SPEF2: variants seen among roughly 807,000 people sequenced by gnomAD.
SPEF2 encodes the protein sperm flagellar and cilia associated 2, also known as sperm flagella and cilia-associated protein 2.
SPEF2 carries 187 observed loss-of-function variants against 224.6 expected under a neutral mutation model. The ratio of observed to expected loss-of-function variants is 0.83; its 90% confidence interval spans 0.74 to 0.94. SPEF2 has a LOEUF of 0.94. SPEF2 is among the 40% of genes least tolerant of loss of function. The pLI is 0.00. For missense variants in SPEF2, 2,170 were observed against 2,135.6 expected (o/e 1.02, Z -0.32); for synonymous variants, 715 against 707.3 (o/e 1.01, Z -0.17).
intron 21 of SPEF2, among the ~76,000 whole-genome samples, chr5:35,729,796 A>T (rs1436294774): frequency 6.6e-6 from 1 of 152,130 alleles, no homozygotes; most frequent in East Asian, 1.9e-4. Flanking sequence ...TGTTCTCGTG[A>T]TAGTGAACAA....
At chr5:35,635,601 C>A (rs1426498472) in intron 2 of SPEF2, among the ~76,000 whole-genome samples, 2 of 152,146 alleles carry the variant, frequency 1.3e-5, no homozygotes, top group African/African-American at 4.8e-5. Context: ...GAAAACATAG[C>A]ATTCCTATGT....
rs562447232 is a variant in SPEF2, at chr5:35,719,589, G to A, written c.2914+6703G>A. Among the ~76,000 whole-genome samples, 111 of 151,820 alleles carry A rather than the reference G, an allele frequency of 7.3e-4. 1 individual carries two copies. In the Middle Eastern group the frequency reaches 0.024, roughly 33 times the overall value. Reference sequence around the variant, plus strand: ...TCTTCTCTTATGGTCCCAAGATAAAGTTGGAGCTCCTGAACCTGTTAGAAA... The same window carrying A: ...TCTTCTCTTATGGTCCCAAGATAAAATTGGAGCTCCTGAACCTGTTAGAAA... On this transcript the variant is annotated intron_variant, in intron 20 of 36. Coordinates refer to ENST00000356031, the MANE Select transcript of SPEF2 (RefSeq NM_024867.4).
intron 25 of SPEF2, among the ~76,000 whole-genome samples, chr5:35,762,252 T>C (rs1222731944): frequency 6.6e-6 from 1 of 152,142 alleles, no homozygotes; most frequent in Non-Finnish European, 1.5e-5. Flanking sequence ...TTCCAGTAAA[T>C]AAATTCTAAA....
chr5:35,794,798 T>C (rs1580762882), intron 32 of SPEF2, among the ~76,000 whole-genome samples: 1 of 151,914 alleles, frequency 6.6e-6, no homozygotes, highest in Non-Finnish European at 1.5e-5. Flanking sequence ...AAGGTGTGAG[T>C]TTCTTAGAGA....
chr5:35,784,037 A>G (rs558881046), intron 30 of SPEF2, among the ~76,000 whole-genome samples: 1 of 152,272 alleles, frequency 6.6e-6, no homozygotes, highest in African/African-American at 2.4e-5. Context: ...TTTTTCTTCA[A>G]AAGATGCAGC....
chr5:35,626,363 G>C (rs1744253825), intron 1 of SPEF2, among the ~76,000 whole-genome samples: 1 of 152,190 alleles, frequency 6.6e-6, no homozygotes, highest in Non-Finnish European at 1.5e-5. Context: ...AAACTGGTCT[G>C]TTTGTGGAAA....
At chr5:35,728,345 C>CTCT (rs1228881407) in intron 21 of SPEF2, among the ~76,000 whole-genome samples, 1 of 152,196 alleles carries the variant, frequency 6.6e-6, no homozygotes, top group African/African-American at 2.4e-5. Context: ...CTGAAAGCTC[C>CTCT]GCCTAGCTCA....
At chr5:35,801,251 C>T (rs1757379145) in intron 34 of SPEF2, among the ~76,000 whole-genome samples, 1 of 152,166 alleles carries the variant, frequency 6.6e-6, no homozygotes, top group Non-Finnish European at 1.5e-5. Context: ...TGTGGTGGCT[C>T]CCACCTGTAA....
At position 35,667,039 on chromosome 5, in the gene SPEF2, T is replaced by C. The variant is rs374230199; in HGVS notation, c.1168-33T>C. The C allele has an allele frequency of 1.5e-5, 23 of 1,558,500 alleles. No individual in the cohort carries two copies. In the African/African-American group the frequency reaches 1.8e-4, roughly 12 times the overall value. ...ACATTATTTTTATTTGATTCAATTA[T>C]AGTGACTTAAAAATATGTTTTTGCC... On this transcript the variant is annotated intron_variant, in intron 8 of 36. Coordinates refer to ENST00000356031, the MANE Select transcript of SPEF2 (RefSeq NM_024867.4).
At chr5:35,709,703 C>T (rs2084934829) in intron 19 of SPEF2, 1 of 985,338 alleles carries the variant, frequency 1.0e-6, no homozygotes, top group Non-Finnish European at 1.2e-6. Context: ...TAAGTTTGTT[C>T]TAGATCCTTA....
intron 24 of SPEF2, 96 bp downstream of exon 24, chr5:35,753,857 G>A (rs1750051986): frequency 2.7e-6 from 4 of 1,478,344 alleles, no homozygotes; most frequent in East Asian, 2.3e-5. Flanking sequence ...TGAGAGGTCT[G>A]TTCAGGGCTC....
In SPEF2 at chr5:35,653,540, C is replaced by G. The variant is rs146902390; in HGVS notation, c.792-1000C>G. Among the ~76,000 whole-genome samples, 653 of 152,238 alleles carry G rather than the reference C, an allele frequency of 4.3e-3. 6 individuals are homozygous for G. The highest frequency in any genetic ancestry group is 0.015 in the African/African-American group (619 of 41,518). On this transcript the variant is annotated intron_variant, in intron 6 of 36. Transcript: ENST00000356031. ...GTTGCGAGCTGTGCCTTCCCTGACA[C>G]TTGGGTTATCAATAGTCTGCCTATT... is the stretch of plus-strand genomic sequence containing the variant.
intron 3 of SPEF2, among the ~76,000 whole-genome samples, chr5:35,642,935 G>A (rs115643216): frequency 3.9e-3 from 597 of 152,062 alleles, no homozygotes; most frequent in Admixed American, 7.4e-3. Flanking sequence ...TATTGCATTC[G>A]GCCTCCTTCA....
chr5:35,763,825 G>A (rs114776524), intron 26 of SPEF2, 123 bp downstream of exon 26: 18 of 844,038 alleles, frequency 2.1e-5, no homozygotes, highest in Admixed American at 1.4e-4. Context: ...TTGTACCTTC[G>A]AAACATTTTT....
intron 10 of SPEF2, among the ~76,000 whole-genome samples, chr5:35,681,389 C>G (rs1408646968): frequency 6.6e-6 from 1 of 152,114 alleles, no homozygotes; most frequent in Non-Finnish European, 1.5e-5. Flanking sequence ...TACTTTGACT[C>G]TCTAACTCTC....
intron 10 of SPEF2, chr5:35,678,853 AC>A (rs1172182685): frequency 6.6e-6 from 1 of 152,220 alleles, no homozygotes; most frequent in Non-Finnish European, 1.5e-5. Context: ...TGTTCAAGAA[AC>A]CCTGTGGGGC....
intron 3 of SPEF2, among the ~76,000 whole-genome samples, chr5:35,642,738 TA>T (rs1469412275): frequency 1.3e-5 from 2 of 152,172 alleles, no homozygotes; most frequent in Non-Finnish European, 2.9e-5. Flanking sequence ...AAATAGTAAA[TA>T]TCAATGGATA....
chr5:35,661,691 C>G (rs1388501868), intron 8 of SPEF2, among the ~76,000 whole-genome samples: 1 of 152,090 alleles, frequency 6.6e-6, no homozygotes, highest in Non-Finnish European at 1.5e-5. Flanking sequence ...GTTTTCTATT[C>G]CTGCATTAGT....
intron 26 of SPEF2, among the ~76,000 whole-genome samples, chr5:35,769,757 C>T (rs867694345): frequency 2.6e-5 from 4 of 152,024 alleles, no homozygotes; most frequent in African/African-American, 4.8e-5. Context: ...TTGGAGAAGG[C>T]GGGAACTGGC....
Sources: gnomAD v4.1 joint callset for allele counts (sites outside exome capture counted in the v4.1 genomes callset) on GRCh38, gnomAD v4.1.1 for gene constraint, MANE v1.5 for transcripts, NCBI Gene and HGNC (gene_info 2026-07-23, HGNC 2026-07-21) for gene names.